CNN1: variants seen among roughly 807,000 people sequenced by gnomAD.
The protein encoded by CNN1 is calponin 1, also known as calponin-1.
A neutral mutation model predicts 35.3 loss-of-function variants in CNN1; 21 were observed. The observed-to-expected ratio is 0.60, with a 90% CI of 0.42 to 0.86. The LOEUF (loss-of-function observed/expected upper bound fraction) is 0.86, where lower values mean the gene tolerates loss of function less well. Ranked by LOEUF, CNN1 falls within the 40% of genes least tolerant of loss-of-function variation. The pLI, the probability that CNN1 is intolerant of heterozygous loss-of-function variation, is 0.00. For missense variants in CNN1, 314 were observed against 400.8 expected (o/e 0.78, Z 1.85); for synonymous variants, 164 against 161.8 (o/e 1.01, Z -0.10).
intron 2 of CNN1, among the ~76,000 whole-genome samples, chr19:11,543,518 C>T (rs1295946942): frequency 2.0e-5 from 3 of 149,920 alleles, no homozygotes; most frequent in Non-Finnish European, 4.5e-5. Flanking sequence ...CGGTGACTCA[C>T]GTCTGTAATC....
chr19:11,539,030 TG>T, intron 1 of CNN1, 40 bp downstream of exon 1: 1 of 1,507,740 alleles, frequency 6.6e-7, no homozygotes, highest in Non-Finnish European at 8.9e-7. Context: ...CCACACGTCC[TG>T]CCAGGCCAGA....
chr19:11,549,909 G>T lies in CNN1; in HGVS notation c.*114G>T. The T allele has an allele frequency of 2.8e-6, 4 of 1,434,590 alleles. No individual in the cohort carries two copies. The highest frequency in any genetic ancestry group is 3.8e-6 in the Non-Finnish European group (4 of 1,059,748). 88.9% of individuals were successfully genotyped at this position (1,434,590 alleles called of 1,614,324 possible). A position where few individuals can be genotyped will look rare whatever the true frequency, so the allele number is the denominator to read the frequency against. ...TGCATGGCATCCTCCAGCCCCTGTA[G>T]AACTCAACCTCTACAGGGTTAGAGT... On this transcript the variant is annotated 3_prime_UTR_variant, in exon 7 of 7. Transcript: ENST00000252456. This position sits in a 1 kb window ranked among gnomAD's most constrained non-coding sequence, Gnocchi z 5.2.
At position 11,549,967 on chromosome 19, in the gene CNN1, G is replaced by T. The variant is rs542006621; in HGVS notation, c.*172G>T. 83 of 988,762 alleles carry T rather than the reference G, an allele frequency of 8.4e-5. No individual in the cohort carries two copies. Among genetic ancestry groups the T allele is most frequent in the Admixed American group, 3.8e-4 (13 of 33,978 alleles). 61.2% of individuals were successfully genotyped at this position (988,762 alleles called of 1,614,324 possible). A position where few individuals can be genotyped will look rare whatever the true frequency, so the allele number is the denominator to read the frequency against. On this transcript the variant is annotated 3_prime_UTR_variant, in exon 7 of 7. Transcript: ENST00000252456. This position sits in a 1 kb window ranked among gnomAD's most constrained non-coding sequence, Gnocchi z 5.2. The stretch of plus-strand genomic sequence containing the variant: ...GAGCAGACTGGCGGGGGGCCCATTG[G>T]GGGGAAGGGGACCCTCCGCTCTGTA...
In CNN1 at chr19:11,549,537, C is replaced by T; in HGVS notation, c.649-13C>T. The T allele has an allele frequency of 6.3e-7, 1 of 1,598,854 alleles. No homozygotes were observed. The highest frequency in any genetic ancestry group is 1.1e-5 in the South Asian group (1 of 90,060). On this transcript the variant is annotated splice_polypyrimidine_tract_variant and intron_variant, in intron 6 of 6. Transcript: ENST00000252456. This position sits in a 1 kb window ranked among gnomAD's most constrained non-coding sequence, Gnocchi z 5.2. ...CTGGCCACCCCACGGCCTGACCACA[C>T]CACCCTTCGCAGGCTGGCATGACTG... is the stretch of plus-strand genomic sequence containing the variant.
intron 4 of CNN1, among the ~76,000 whole-genome samples, chr19:11,547,407 AC>A (rs1972614015): frequency 6.7e-6 from 1 of 149,362 alleles, no homozygotes; most frequent in Non-Finnish European, 1.5e-5. Context: ...AAAAAAAAAA[AC>A]AAAAAACAAA....
At chr19:11,543,062 G>C (rs1343232307) in intron 2 of CNN1, among the ~76,000 whole-genome samples, 3 of 152,190 alleles carry the variant, frequency 2.0e-5, no homozygotes, top group Non-Finnish European at 4.4e-5. Flanking sequence ...CCATCCACTA[G>C]GAACAAGGAA....
intron 2 of CNN1, among the ~76,000 whole-genome samples, chr19:11,545,200 C>CG (rs1972553049): frequency 6.9e-6 from 1 of 144,662 alleles, no homozygotes; most frequent in African/African-American, 2.6e-5. Context: ...GACTCCATCT[C>CG]GGAAAAAAAA....
chr19:11,544,662 GTTTTT>G (rs745637541), intron 2 of CNN1, among the ~76,000 whole-genome samples: 3 of 131,972 alleles, frequency 2.3e-5, no homozygotes, highest in African/African-American at 2.8e-5. Flanking sequence ...AAGTTTTCGG[GTTTTT>G]TTTTTTTTTT....
rs150124866 is a variant in CNN1, at chr19:11,546,525, G to A, written c.186-150G>A. 1,225 of 737,938 alleles carry A rather than the reference G, an allele frequency of 1.7e-3. 8 individuals are homozygous for A. Among genetic ancestry groups the A allele is most frequent in the African/African-American group, 0.016 (927 of 57,124 alleles). The allele number at this position is 737,938 out of a possible 1,614,324, so 45.7% of individuals were successfully genotyped here. On this transcript the variant is annotated intron_variant, in intron 2 of 6. Transcript: ENST00000252456. Reference sequence around the variant, plus strand: ...TAATTTTTGTATTTTTAGTAGAGATGGGGTTTCACCATGTTGGCCAGGATA... The same window carrying A: ...TAATTTTTGTATTTTTAGTAGAGATAGGGTTTCACCATGTTGGCCAGGATA...
chr19:11,540,830 T>A, intron 1 of CNN1: 1 of 412,770 alleles, frequency 2.4e-6, no homozygotes, highest in Non-Finnish European at 4.3e-6. Flanking sequence ...ACCCCTCATC[T>A]ACATTCCCTG....
chr19:11,548,730 A>G (rs943091138), intron 5 of CNN1, among the ~76,000 whole-genome samples: 1 of 150,422 alleles, frequency 6.6e-6, no homozygotes, highest in Non-Finnish European at 1.5e-5. Context: ...CCAGCTACTC[A>G]GGAGGCTGAG....
intron 2 of CNN1, among the ~76,000 whole-genome samples, chr19:11,545,610 A>G (rs1379057552): frequency 6.6e-6 from 1 of 151,858 alleles, no homozygotes; most frequent in African/African-American, 2.4e-5. Flanking sequence ...AAGAAACCCA[A>G]GCTGCAGGGA....
At position 11,549,768 on chromosome 19, in the gene CNN1, C is replaced by G; in HGVS notation, c.867C>G (p.His289Gln). The change falls in exon 7 of 7, where the codon CAC (histidine) becomes CAG (glutamine). Residue 289 changes from histidine (H) to glutamine (Q), a missense_variant. Physicochemically the swap from His to Gln is conservative, Grantham distance 24. Transcript: ENST00000252456. This position sits in a 1 kb window ranked among gnomAD's most constrained non-coding sequence, Gnocchi z 5.2. ...TGGGTGAGCCCGCCCACAACCACCA[C>G]GCACACAACTACTACAATTCCGCCT... ...PELGEPAHNHHAHNYYNSA is the reference protein window; with the variant it reads ...PELGEPAHNHQAHNYYNSA 1 of 1,612,954 alleles carries G rather than the reference C, an allele frequency of 6.2e-7. No homozygotes were observed. Among genetic ancestry groups the G allele is most frequent in the Non-Finnish European group, 8.5e-7 (1 of 1,179,306 alleles).
intron 1 of CNN1, chr19:11,540,043 C>T: frequency 1.9e-6 from 2 of 1,044,246 alleles, no homozygotes; most frequent in Non-Finnish European, 2.3e-6. Context: ...GCCCCTCCCA[C>T]CTCCCCCCAC....
chr19:11,545,500 G>T (rs1185525549), intron 2 of CNN1, among the ~76,000 whole-genome samples: 1 of 145,364 alleles, frequency 6.9e-6, no homozygotes, highest in Non-Finnish European at 1.5e-5. Flanking sequence ...GTGGAGGGAG[G>T]GGGGAGTCTG....
Position 11,538,868 on chromosome 19 carries a change from C to T in CNN1, c.-60C>T, listed in dbSNP as rs1000742494. On this transcript the variant is annotated 5_prime_UTR_variant, in exon 1 of 7. Transcript: ENST00000252456. ...AAGAGTGTGCAGACGGAACTTCAGCCGCTGCCTCTGTTCTCAGCGTCAGTG... is the reference window on the plus strand; with the variant it reads ...AAGAGTGTGCAGACGGAACTTCAGCTGCTGCCTCTGTTCTCAGCGTCAGTG... The T allele has an allele frequency of 7.2e-6, 10 of 1,395,342 alleles. No individual in the cohort carries two copies. In the East Asian group the frequency reaches 7.9e-5, roughly 11 times the overall value. 86.4% of individuals were successfully genotyped at this position (1,395,342 alleles called of 1,614,324 possible). A position where few individuals can be genotyped will look rare whatever the true frequency, so the allele number is the denominator to read the frequency against.
At chr19:11,539,605 A>C in intron 1 of CNN1, 1 of 789,384 alleles carries the variant, frequency 1.3e-6, no homozygotes, top group Non-Finnish European at 1.8e-6. Flanking sequence ...CCCCCCATAC[A>C]CCAGGATGGG....
intron 1 of CNN1, chr19:11,539,871 C>CCCCCAGCGCCGG: frequency 8.6e-7 from 1 of 1,163,502 alleles, no homozygotes; most frequent in Non-Finnish European, 1.1e-6. Flanking sequence ...GCCCTCCTCC[C>CCCCCAGCGCCGG]CCCCAGCGCC....
At chr19:11,543,328 C>A (rs2145032619) in intron 2 of CNN1, among the ~76,000 whole-genome samples, 1 of 144,486 alleles carries the variant, frequency 6.9e-6, no homozygotes. Context: ...CCAGCCTGGG[C>A]AACAGTGAAA....
Sources: gnomAD v4.1 joint callset for allele counts (sites outside exome capture counted in the v4.1 genomes callset) on GRCh38, gnomAD v4.1.1 for gene constraint, Gnocchi (gnomAD v3.1) non-coding constraint, MANE v1.5 for transcripts, NCBI Gene and HGNC (gene_info 2026-07-23, HGNC 2026-07-21) for gene names.